MAN1A1: variants seen among roughly 807,000 people sequenced by gnomAD.
MAN1A1 encodes mannosidase alpha class 1A member 1, also known as mannosyl-oligosaccharide 1,2-alpha-mannosidase IA.
A neutral mutation model predicts 70.8 loss-of-function variants in MAN1A1; 29 were observed. The ratio of observed to expected loss-of-function variants is 0.41; its 90% confidence interval spans 0.31 to 0.56. MAN1A1 has a LOEUF of 0.56. Among genes scored for constraint, MAN1A1 ranks in the 20% least tolerant of loss-of-function variants. MAN1A1 has a pLI of 0.29. For missense variants in MAN1A1, 747 were observed against 841.3 expected, an observed-to-expected ratio of 0.89 and a Z score of 1.39; for synonymous variants, 349 against 330.1, an observed-to-expected ratio of 1.06 and a Z score of -0.62.
At chr6:119,242,518 T>A (rs1388924601) in intron 6 of MAN1A1, among the ~76,000 whole-genome samples, 1 of 152,052 alleles carries the variant, frequency 6.6e-6, no homozygotes, top group Non-Finnish European at 1.5e-5. Flanking sequence ...TGAAATGATG[T>A]CCACGAAAGG....
intron 6 of MAN1A1, among the ~76,000 whole-genome samples, chr6:119,240,620 A>G (rs1471738776): frequency 6.6e-6 from 1 of 152,206 alleles, no homozygotes. Context: ...GGAAGAAAGG[A>G]AACTGTTCAG....
At chr6:119,286,224 C>G (rs780111654) in intron 5 of MAN1A1, among the ~76,000 whole-genome samples, 7 of 152,070 alleles carry the variant, frequency 4.6e-5, no homozygotes, top group Non-Finnish European at 8.8e-5. Flanking sequence ...GGTAACCAGT[C>G]ATATATCCTA....
At chr6:119,261,200 C>T (rs1775603805) in intron 5 of MAN1A1, among the ~76,000 whole-genome samples, 2 of 151,902 alleles carry the variant, frequency 1.3e-5, no homozygotes, top group Non-Finnish European at 2.9e-5. Flanking sequence ...AGGATGGTCT[C>T]GATCTCCTGA....
At chr6:119,269,547 G>T in intron 5 of MAN1A1, 1 of 196,216 alleles carries the variant, frequency 5.1e-6, no homozygotes, top group East Asian at 1.4e-4. Flanking sequence ...ACTTGTGAAG[G>T]AAGGCCAGGT....
At chr6:119,242,645 A>G (rs924472331) in intron 6 of MAN1A1, among the ~76,000 whole-genome samples, 2 of 152,130 alleles carry the variant, frequency 1.3e-5, no homozygotes, top group African/African-American at 4.8e-5. Flanking sequence ...GAAAAATTCC[A>G]ATGTCCATCT....
chr6:119,247,835 T>A (rs1775209568), intron 6 of MAN1A1, among the ~76,000 whole-genome samples: 1 of 152,204 alleles, frequency 6.6e-6, no homozygotes, highest in South Asian at 2.1e-4. Context: ...GGGGATCTGA[T>A]TAGGCCAAAT....
intron 2 of MAN1A1, among the ~76,000 whole-genome samples, chr6:119,325,426 G>C (rs1773120349): frequency 6.6e-6 from 1 of 152,212 alleles, no homozygotes; most frequent in Non-Finnish European, 1.5e-5. Flanking sequence ...GGGAGGCCGA[G>C]GTGGGTGGAT....
intron 2 of MAN1A1, among the ~76,000 whole-genome samples, chr6:119,309,281 C>T (rs954551434): frequency 6.6e-6 from 1 of 152,176 alleles, no homozygotes; most frequent in African/African-American, 2.4e-5. Flanking sequence ...CATAGAATAA[C>T]TATAAGCTTC....
At chr6:119,312,048 T>C (rs80182200) in intron 2 of MAN1A1, among the ~76,000 whole-genome samples, 4,258 of 152,288 alleles carry the variant, frequency 0.028, 94 homozygotes, top group Non-Finnish European at 0.045. Context: ...GGCTCACTTA[T>C]ATAACAGTCC....
intron 10 of MAN1A1, among the ~76,000 whole-genome samples, chr6:119,188,875 AAAGAT>A (rs1773363814): frequency 6.6e-6 from 1 of 152,224 alleles, no homozygotes; most frequent in Non-Finnish European, 1.5e-5. Context: ...TTTAGGGAAT[AAAGAT>A]AAGAACAAAA....
chr6:119,273,246 A>G (rs1187146462), intron 5 of MAN1A1, among the ~76,000 whole-genome samples: 1 of 152,194 alleles, frequency 6.6e-6, no homozygotes, highest in Non-Finnish European at 1.5e-5. Flanking sequence ...AATTCAGATG[A>G]GTACAGAAAA....
At chr6:119,332,854 TA>T (rs148935587) in intron 2 of MAN1A1, among the ~76,000 whole-genome samples, 48,296 of 151,440 alleles carry the variant, frequency 0.32, 8,212 homozygotes, top group Non-Finnish European at 0.37. Context: ...AAATTCTTTT[TA>T]AAAGAGAAAT....
chr6:119,334,680 C>G (rs967503003), intron 2 of MAN1A1, among the ~76,000 whole-genome samples: 9 of 152,224 alleles, frequency 5.9e-5, no homozygotes, highest in Non-Finnish European at 8.8e-5. Context: ...CACTAGGAAT[C>G]TCTGCTGCCA....
intron 2 of MAN1A1, among the ~76,000 whole-genome samples, chr6:119,309,273 T>C (rs757942851): frequency 2.6e-5 from 4 of 152,230 alleles, no homozygotes; most frequent in South Asian, 2.1e-4. Context: ...TACACATGCA[T>C]AGAATAACTA....
chr6:119,328,093 C>T (rs930350605), intron 2 of MAN1A1, among the ~76,000 whole-genome samples: 1 of 152,110 alleles, frequency 6.6e-6, no homozygotes, highest in African/African-American at 2.4e-5. Context: ...CTGACTCTGA[C>T]CTAGAACTGT....
chr6:119,279,138 T>G (rs1439629144), intron 5 of MAN1A1, among the ~76,000 whole-genome samples: 1 of 152,136 alleles, frequency 6.6e-6, no homozygotes, highest in African/African-American at 2.4e-5. Context: ...ACTCTTTTAA[T>G]TCATACATCC....
chr6:119,197,802 GTTTT>G (rs75604834), intron 8 of MAN1A1, among the ~76,000 whole-genome samples: 1 of 148,688 alleles, frequency 6.7e-6, no homozygotes, highest in Non-Finnish European at 1.5e-5. Flanking sequence ...TTTGTTTTTT[GTTTT>G]TTTTTTCCAT....
At chr6:119,345,215 G>C (rs1773696508) in intron 2 of MAN1A1, among the ~76,000 whole-genome samples, 1 of 151,592 alleles carries the variant, frequency 6.6e-6, no homozygotes, top group Non-Finnish European at 1.5e-5. Flanking sequence ...CGGGGGAGAA[G>C]GGAAGCTAAA....
intron 6 of MAN1A1, among the ~76,000 whole-genome samples, chr6:119,247,960 T>C (rs750429357): frequency 8.5e-5 from 13 of 152,198 alleles, no homozygotes; most frequent in Admixed American, 5.2e-4. Context: ...CGGGACTCTT[T>C]TGGTATTTAT....
Sources: allele counts gnomAD v4.1 joint callset (sites outside exome capture counted in the v4.1 genomes callset), GRCh38; gene constraint gnomAD v4.1.1; transcripts MANE v1.5; gene names NCBI Gene and HGNC (gene_info 2026-07-23, HGNC 2026-07-21).